The following TASP1 variants were observed in gnomAD, a reference collection of about 807,000 sequenced individuals.
TASP1 encodes the protein threonine aspartase 1.
A neutral mutation model predicts 56.6 loss-of-function variants in TASP1; 16 were observed. That is an observed-to-expected ratio of 0.28 (90% CI 0.19 to 0.43). The LOEUF (loss-of-function observed/expected upper bound fraction) is 0.43, where lower values mean the gene tolerates loss of function less well. Among genes scored for constraint, TASP1 ranks in the 20% least tolerant of loss-of-function variants. TASP1 has a pLI of 1.00. For missense variants in TASP1, 393 were observed against 511.6 expected, an observed-to-expected ratio of 0.77 and a Z score of 2.24; for synonymous variants, 179 against 184.2, an observed-to-expected ratio of 0.97 and a Z score of 0.23.
chr20:13,292,871 A>C, the TASP1 span, among the ~76,000 whole-genome samples: 272 of 152,118 alleles, frequency 1.8e-3, no homozygotes, highest in African/African-American at 6.0e-3. Context: ...AGATTTTCTC[A>C]AAATATTGCA....
At chr20:13,139,057 A>G in the TASP1 span, among the ~76,000 whole-genome samples, 1 of 152,200 alleles carries the variant, frequency 6.6e-6, no homozygotes, top group Non-Finnish European at 1.5e-5. Flanking sequence ...AGAGGAGGGT[A>G]GCGTGATTCT....
chr20:13,320,990 G>A, the TASP1 span, among the ~76,000 whole-genome samples: 1 of 151,988 alleles, frequency 6.6e-6, no homozygotes, highest in Non-Finnish European at 1.5e-5. Flanking sequence ...GTTGGGGTCA[G>A]GATTTCGAGA....
intron 2 of TASP1, among the ~76,000 whole-genome samples, chr20:13,629,304 C>CAGTG (rs945122894): frequency 2.1e-5 from 3 of 143,428 alleles, no homozygotes; most frequent in African/African-American, 7.9e-5. Context: ...GTGGAGGCTG[C>CAGTG]AGTGAGCCAA....
intron 7 of TASP1, among the ~76,000 whole-genome samples, chr20:13,560,283 C>A (rs1263087430): frequency 6.6e-6 from 1 of 152,090 alleles, no homozygotes; most frequent in African/African-American, 2.4e-5. Context: ...TAAAATACCA[C>A]CTTAAAAGCA....
chr20:13,294,798 T>TA, the TASP1 span, among the ~76,000 whole-genome samples: 139 of 152,306 alleles, frequency 9.1e-4, no homozygotes, highest in Middle Eastern at 3.4e-3. Context: ...CCCTCCCACT[T>TA]AATCCTCTTT....
At chr20:13,221,172 G>GGGCGCC in the TASP1 span, among the ~76,000 whole-genome samples, 1 of 150,946 alleles carries the variant, frequency 6.6e-6, no homozygotes, top group Non-Finnish European at 1.5e-5. Context: ...GCGAGGGCGG[G>GGGCGCC]GGCGCCAAGC....
At chr20:13,363,026 T>C in the TASP1 span, among the ~76,000 whole-genome samples, 2 of 151,892 alleles carry the variant, frequency 1.3e-5, no homozygotes, top group African/African-American at 4.8e-5. Context: ...ATATTTGGTC[T>C]TTGACACCAG....
the TASP1 span, among the ~76,000 whole-genome samples, chr20:13,285,315 A>G: frequency 1.1e-5 from 1 of 89,066 alleles, no homozygotes; most frequent in Non-Finnish European, 2.4e-5. Flanking sequence ...AAAAGAAAGG[A>G]AAAAAAAAGC....
chr20:13,266,759 GAAT>G, the TASP1 span, among the ~76,000 whole-genome samples: 1 of 152,150 alleles, frequency 6.6e-6, no homozygotes, highest in African/African-American at 2.4e-5. Flanking sequence ...TTTCAGAGAA[GAAT>G]GTTTGCTTGC....
Position 13,630,056 on chromosome 20 carries a change from C to T in TASP1, c.23G>A (p.Ser8Asn), listed in dbSNP as rs1314953326. 5.6e-6 allele frequency: 9 copies of T among 1,613,440 alleles called. No individual in the cohort carries two copies. In the Admixed American group the frequency reaches 1.5e-4, roughly 27 times the overall value. The change falls in exon 2 of 14, where the codon AGT (serine) becomes AAT (asparagine). Residue 8 changes from serine (S) to asparagine (N), a missense_variant. This residue lies in a region of TASP1 where 52 missense variants were observed against 51.1 expected (regional missense o/e 1.02). Transcript: ENST00000337743. Reference sequence around the variant, plus strand: ...TCTGGAAGGCAGCCCTTCTCCAGAACTCATCCCCTTCTCCATGGTCATTCT... The same window carrying T: ...TCTGGAAGGCAGCCCTTCTCCAGAATTCATCCCCTTCTCCATGGTCATTCT... MTMEKGMSSGEGLPSRSS... is the reference protein window; with the variant it reads MTMEKGMNSGEGLPSRSS...
At chr20:13,562,018 T>G (rs1252665545) in intron 7 of TASP1, among the ~76,000 whole-genome samples, 1 of 152,216 alleles carries the variant, frequency 6.6e-6, no homozygotes, top group Non-Finnish European at 1.5e-5. Context: ...GGGACATTTT[T>G]CCAAAATGTC....
chr20:13,126,000 T>C, the TASP1 span, among the ~76,000 whole-genome samples: 3 of 152,188 alleles, frequency 2.0e-5, no homozygotes, highest in African/African-American at 7.2e-5. Context: ...TCAACTTCTC[T>C]CTTCTGCCAC....
At chr20:13,126,687 C>T in the TASP1 span, 2 of 1,614,070 alleles carry the variant, frequency 1.2e-6, no homozygotes, top group Admixed American at 1.7e-5. Context: ...ATCACTAAAA[C>T]TTATCATGGG....
chr20:13,213,824 C>G, the TASP1 span, among the ~76,000 whole-genome samples: 2 of 152,236 alleles, frequency 1.3e-5, no homozygotes, highest in African/African-American at 4.8e-5. Context: ...CAGGCAGTAT[C>G]CCTAGCCCAA....
At chr20:13,279,838 G>T in the TASP1 span, 1 of 1,613,996 alleles carries the variant, frequency 6.2e-7, no homozygotes, top group African/African-American at 1.3e-5. Context: ...CCCCCCCAGG[G>T]GGTGGGACCA....
chr20:13,394,339 G>A (rs753436816), intron 13 of TASP1, among the ~76,000 whole-genome samples: 84 of 143,894 alleles, frequency 5.8e-4, no homozygotes, highest in Non-Finnish European at 7.4e-4. Context: ...GGCCTGGTGC[G>A]GTAGCTCACG....
chr20:13,221,944 C>T, the TASP1 span: 3 of 1,311,544 alleles, frequency 2.3e-6, no homozygotes, highest in Non-Finnish European at 1.9e-6. Context: ...GGGCCGTGCG[C>T]GGCTGCGGGG....
the TASP1 span, among the ~76,000 whole-genome samples, chr20:13,285,321 A>G: frequency 6.6e-6 from 1 of 152,112 alleles, no homozygotes; most frequent in Non-Finnish European, 1.5e-5. Flanking sequence ...AAGGAAAAAA[A>G]AAGCCAACCG....
chr20:13,522,957 T>C (rs1292887713), intron 10 of TASP1, among the ~76,000 whole-genome samples: 1 of 152,126 alleles, frequency 6.6e-6, no homozygotes, highest in East Asian at 1.9e-4. Context: ...GCAAGTTATT[T>C]GAGCAACCGT....
Sources: allele counts gnomAD v4.1 joint callset (sites outside exome capture counted in the v4.1 genomes callset), GRCh38; gene constraint gnomAD v4.1.1; regional missense constraint gnomAD v4.1.1; transcripts MANE v1.5; gene names NCBI Gene and HGNC (gene_info 2026-07-23, HGNC 2026-07-21).